FAT3: variants seen among roughly 807,000 people sequenced by gnomAD.
FAT3 encodes the protein FAT atypical cadherin 3.
A neutral mutation model predicts 310.2 loss-of-function variants in FAT3; 95 were observed. That is an observed-to-expected ratio of 0.31 (90% confidence interval 0.26 to 0.36). The LOEUF (loss-of-function observed/expected upper bound fraction) is 0.36. Ranked by LOEUF, FAT3 falls within the 10% of genes least tolerant of loss-of-function variation. The pLI, the probability that FAT3 is intolerant of heterozygous loss-of-function variation, is 1.00. For missense variants in FAT3, 5,408 were observed against 5,715.6 expected, an observed-to-expected ratio of 0.95 and a Z score of 1.74; for synonymous variants, 2,314 against 2,192.9, an observed-to-expected ratio of 1.06 and a Z score of -1.54.
intron 1 of FAT3, among the ~76,000 whole-genome samples, chr11:92,334,060 T>A (rs1947991067): frequency 6.6e-6 from 1 of 152,120 alleles, no homozygotes; most frequent in African/African-American, 2.4e-5. Context: ...TAAAGTGAGA[T>A]CATGAAGAAG....
At chr11:92,319,649 T>A (rs1055354829) in intron 1 of FAT3, among the ~76,000 whole-genome samples, 1 of 152,132 alleles carries the variant, frequency 6.6e-6, no homozygotes, top group African/African-American at 2.4e-5. Context: ...AATATAATAT[T>A]GAGGATTTGA....
At chr11:92,270,407 A>G (rs1274129478) in intron 1 of FAT3, among the ~76,000 whole-genome samples, 1 of 151,976 alleles carries the variant, frequency 6.6e-6, no homozygotes, top group Admixed American at 6.6e-5. Context: ...GGCCAAGTGC[A>G]GTGGCTCACA....
intron 2 of FAT3, among the ~76,000 whole-genome samples, chr11:92,397,036 C>T (rs1949885278): frequency 6.6e-6 from 1 of 152,060 alleles, no homozygotes; most frequent in African/African-American, 2.4e-5. Flanking sequence ...GGCCACACAC[C>T]TTTATAAATA....
chr11:92,628,714 G>T (rs1388536528), intron 3 of FAT3, among the ~76,000 whole-genome samples: 1 of 152,180 alleles, frequency 6.6e-6, no homozygotes, highest in Non-Finnish European at 1.5e-5. Context: ...GTCCACTCTT[G>T]TCTTTTTGCT....
intron 4 of FAT3, among the ~76,000 whole-genome samples, chr11:92,734,570 T>C (rs190362430): frequency 1.3e-5 from 2 of 152,128 alleles, no homozygotes; most frequent in African/African-American, 4.8e-5. Context: ...ATAATAATAA[T>C]GCACTAGAAA....
At chr11:92,813,138 C>A (rs1947726284) in intron 13 of FAT3, among the ~76,000 whole-genome samples, 1 of 152,146 alleles carries the variant, frequency 6.6e-6, no homozygotes, top group Non-Finnish European at 1.5e-5. Context: ...GTCAATTAAA[C>A]CTTTTCCCTT....
intron 3 of FAT3, among the ~76,000 whole-genome samples, chr11:92,630,504 G>C (rs1025186129): frequency 6.6e-6 from 1 of 152,142 alleles, no homozygotes; most frequent in African/African-American, 2.4e-5. Context: ...TGGATGCCCT[G>C]TCAGCTCCTT....
intron 2 of FAT3, among the ~76,000 whole-genome samples, chr11:92,482,868 T>C (rs905956028): frequency 6.6e-6 from 1 of 152,154 alleles, no homozygotes; most frequent in Non-Finnish European, 1.5e-5. Context: ...TCCTTCTAGG[T>C]TTCTGGGATT....
chr11:92,520,433 C>A (rs2135345839), intron 2 of FAT3, among the ~76,000 whole-genome samples: 2 of 152,064 alleles, frequency 1.3e-5, no homozygotes, highest in East Asian at 3.9e-4. Context: ...TCATGAAAAT[C>A]AAAACTTACC....
Position 92,524,963 on chromosome 11 carries a change from A to T in FAT3, c.3607+15A>T, listed in dbSNP as rs779925764. 1.2e-6 allele frequency: 2 copies of T among 1,602,692 alleles called. No homozygotes were observed. The highest frequency in any genetic ancestry group is 2.2e-5 in the South Asian group (2 of 90,436). ...TATCAAAACAGGTAAGGGAATGCTTATATGACTTCTTTTTAGTTTGTAGTC... is the reference window on the plus strand; with the variant it reads ...TATCAAAACAGGTAAGGGAATGCTTTTATGACTTCTTTTTAGTTTGTAGTC... On this transcript the variant is annotated intron_variant, in intron 3 of 27. Coordinates refer to ENST00000525166, the MANE Select transcript of FAT3 (RefSeq NM_001367949.2).
At chr11:92,783,977 T>C (rs886661012) in intron 7 of FAT3, among the ~76,000 whole-genome samples, 2 of 152,184 alleles carry the variant, frequency 1.3e-5, no homozygotes, top group African/African-American at 4.8e-5. Flanking sequence ...GATTTCTCTA[T>C]AGCAAAGTAC....
intron 3 of FAT3, among the ~76,000 whole-genome samples, chr11:92,588,565 G>C (rs1939268526): frequency 6.6e-6 from 1 of 152,028 alleles, no homozygotes; most frequent in Non-Finnish European, 1.5e-5. Flanking sequence ...CTGCCCTACT[G>C]ACATTAATTA....
At chr11:92,517,034 A>G (rs1160591640) in intron 2 of FAT3, among the ~76,000 whole-genome samples, 1 of 152,228 alleles carries the variant, frequency 6.6e-6, no homozygotes, top group African/African-American at 2.4e-5. Context: ...AAGAATAAAT[A>G]TCGTGAAAAC....
intron 2 of FAT3, among the ~76,000 whole-genome samples, chr11:92,375,864 A>T (rs1156327061): frequency 6.6e-6 from 1 of 152,170 alleles, no homozygotes; most frequent in Non-Finnish European, 1.5e-5. Context: ...ATCATAGCTA[A>T]CATCTGAAGC....
At chr11:92,502,647 T>C (rs560850883) in intron 2 of FAT3, among the ~76,000 whole-genome samples, 8 of 152,140 alleles carry the variant, frequency 5.3e-5, no homozygotes, top group African/African-American at 1.7e-4. Context: ...CAGGCAAATA[T>C]ATGGACAGGA....
At chr11:92,610,840 T>A (rs1251305155) in intron 3 of FAT3, among the ~76,000 whole-genome samples, 1 of 152,178 alleles carries the variant, frequency 6.6e-6, no homozygotes, top group Non-Finnish European at 1.5e-5. Flanking sequence ...TAGACATTTG[T>A]GGAAGGGATG....
intron 14 of FAT3, 132 bp downstream of exon 14, chr11:92,832,143 C>G (rs1948278049): frequency 6.8e-6 from 7 of 1,025,638 alleles, no homozygotes; most frequent in Non-Finnish European, 9.6e-6. Context: ...CTAGCCTGGA[C>G]AACAGAGTGA....
intron 1 of FAT3, among the ~76,000 whole-genome samples, chr11:92,328,832 G>A (rs1178884372): frequency 2.0e-5 from 3 of 152,136 alleles, no homozygotes; most frequent in African/African-American, 7.2e-5. Context: ...GAATTGTGTG[G>A]CATAGAGAAG....
Position 92,353,890 on chromosome 11 carries a change from TTGG to T in FAT3, c.1783_1785del (p.Gly595del). ...GGAGTTATTTCATATGACTTTCCAG[TTGG>T]TGGTCACATCACAGCAGTCTCAGCG... On this transcript the variant is annotated inframe_deletion, in exon 2 of 28. Transcript: ENST00000525166. 6.2e-7 allele frequency: 1 copy of T among 1,613,338 alleles called. No homozygotes were observed. Among genetic ancestry groups the T allele is most frequent in the Non-Finnish European group, 8.5e-7 (1 of 1,179,480 alleles).
Sources: allele counts gnomAD v4.1 joint callset (sites outside exome capture counted in the v4.1 genomes callset), GRCh38; gene constraint gnomAD v4.1.1; transcripts MANE v1.5; gene names NCBI Gene and HGNC (gene_info 2026-07-23, HGNC 2026-07-21).